The following SGIP1 variants were observed in gnomAD, a reference collection of about 807,000 sequenced individuals.
SGIP1 encodes SH3-containing GRB2-like protein 3-interacting protein 1.
SGIP1 carries 38 observed loss-of-function variants against 107.5 expected under a neutral mutation model. The observed-to-expected ratio is 0.35, with a 90% CI of 0.27 to 0.46. The LOEUF is 0.46. Among genes scored for constraint, SGIP1 ranks in the 20% least tolerant of loss-of-function variants. SGIP1 has a pLI of 1.00. For synonymous variants in SGIP1, 365 were observed against 366.1 expected (o/e 1.00, Z 0.03); for missense variants, 929 against 1,019.5 (o/e 0.91, Z 1.21).
chr1:66,638,396 A>G (rs1558164323), intron 4 of SGIP1, among the ~76,000 whole-genome samples: 1 of 152,346 alleles, frequency 6.6e-6, no homozygotes, highest in East Asian at 1.9e-4. Flanking sequence ...ATACCACTGA[A>G]GCACTAATTC....
chr1:66,726,735 T>C (rs900413603), intron 19 of SGIP1, among the ~76,000 whole-genome samples: 3 of 152,200 alleles, frequency 2.0e-5, no homozygotes, highest in Non-Finnish European at 2.9e-5. Context: ...ACTATATACA[T>C]TGTAAGACTA....
At chr1:66,722,892 A>C (rs961003664) in intron 19 of SGIP1, among the ~76,000 whole-genome samples, 1 of 152,188 alleles carries the variant, frequency 6.6e-6, no homozygotes, top group African/African-American at 2.4e-5. Context: ...AGCCAAATTA[A>C]TATTAGTGTT....
chr1:66,659,958 GA>G (rs1421793335), intron 7 of SGIP1, among the ~76,000 whole-genome samples: 1 of 23,086 alleles, frequency 4.3e-5, no homozygotes, highest in Admixed American at 5.9e-4. Flanking sequence ...GAAAAAGAAA[GA>G]AAGAAAGAAA....
chr1:66,740,354 AATTG>A (rs35851258), intron 22 of SGIP1, among the ~76,000 whole-genome samples: 53,080 of 151,810 alleles, frequency 0.35, 10,079 homozygotes, highest in Non-Finnish European at 0.42. Flanking sequence ...TACCTTAATT[AATTG>A]ATTAACACTC....
chr1:66,675,121 T>G (rs1311917801), intron 12 of SGIP1, among the ~76,000 whole-genome samples: 1 of 152,230 alleles, frequency 6.6e-6, no homozygotes, highest in African/African-American at 2.4e-5. Flanking sequence ...GGAGACGGGA[T>G]TTGATTTGTT....
At position 66,744,312 on chromosome 1, in the gene SGIP1, G is replaced by C. The variant is rs1039591633; in HGVS notation, c.*1217G>C. 3 of 152,128 alleles carry C rather than the reference G, an allele frequency of 2.0e-5. No individual in the cohort carries two copies. The highest frequency in any genetic ancestry group is 4.4e-5 in the Non-Finnish European group (3 of 67,976). The allele number at this position is 152,128 out of a possible 1,614,324, so 9.4% of individuals were successfully genotyped here. The stretch of plus-strand genomic sequence containing the variant: ...CCATTCTTGGAGAAGCAAAAGGAGA[G>C]TTATCAAAAATGTATGTCGTTTCAT... On this transcript the variant is annotated 3_prime_UTR_variant, in exon 25 of 25. Coordinates refer to ENST00000371037, the MANE Select transcript of SGIP1 (RefSeq NM_032291.4).
At chr1:66,579,248 C>T (rs1026328386) in intron 1 of SGIP1, among the ~76,000 whole-genome samples, 14 of 152,084 alleles carry the variant, frequency 9.2e-5, no homozygotes, top group East Asian at 1.9e-4. Context: ...TGCTGTTTCC[C>T]GAAGCTACAT....
chr1:66,682,056 G>T lies in SGIP1; in HGVS notation c.1002G>T (p.Val334=), dbSNP rs777260898. ...TPELTPREKV[V]SPPATPDNPA... ...AGTTGACTCCAAGGGAAAAAGTGGT[G>T]TCCCCACCAGCTACACCAGACAACC... is the stretch of plus-strand genomic sequence containing the variant. Residue 334 remains valine, a synonymous_variant, in exon 15 of 25, where the codon GTG becomes GTT. Coordinates refer to ENST00000371037, the MANE Select transcript of SGIP1 (RefSeq NM_032291.4). 3.7e-6 allele frequency: 6 copies of T among 1,614,044 alleles called. No homozygotes were observed. The highest frequency in any genetic ancestry group is 5.1e-6 in the Non-Finnish European group (6 of 1,180,030).
intron 5 of SGIP1, among the ~76,000 whole-genome samples, chr1:66,640,323 T>G (rs2076540553): frequency 6.6e-6 from 1 of 152,186 alleles, no homozygotes; most frequent in Admixed American, 6.5e-5. Flanking sequence ...GCCTGTAGTA[T>G]TTGTTCAAAA....
intron 1 of SGIP1, among the ~76,000 whole-genome samples, chr1:66,552,973 G>A (rs1421896237): frequency 6.6e-6 from 1 of 152,154 alleles, no homozygotes; most frequent in African/African-American, 2.4e-5. Context: ...ACAGCAGTGA[G>A]TTGGCTGACT....
At chr1:66,735,459 C>A (rs113921853) in intron 21 of SGIP1, among the ~76,000 whole-genome samples, 2 of 152,052 alleles carry the variant, frequency 1.3e-5, no homozygotes, top group East Asian at 3.9e-4. Context: ...AGATGATCCC[C>A]GTTCCTTGGC....
Position 66,713,699 on chromosome 1 carries a change from C to T in SGIP1, c.1631-5595C>T, listed in dbSNP as rs556756295. On this transcript the variant is annotated intron_variant, in intron 18 of 24. Transcript: ENST00000371037. ...GCCTCATACATTTCTCTGTATCCCTCGGCACCTAGCACAATGTCTAATTAT... is the reference window on the plus strand; with the variant it reads ...GCCTCATACATTTCTCTGTATCCCTTGGCACCTAGCACAATGTCTAATTAT... Among the ~76,000 whole-genome samples the T allele has an allele frequency of 2.0e-4, 31 of 152,152 alleles. No individual in the cohort carries two copies. The East Asian group carries it at 3.7e-3, about 18-fold the overall frequency.
rs749127577 is a variant in SGIP1 at position 66,676,957 on chromosome 1, G to A, written c.647-47G>A. On this transcript the variant is annotated intron_variant, in intron 12 of 24. Transcript: ENST00000371037. The stretch of plus-strand genomic sequence containing the variant: ...TCGAAATTTTAAGTTCTAAAGTATG[G>A]GGATTTTTTTTAACTCACCCTGGGA... 6.7e-6 allele frequency: 10 copies of A among 1,483,256 alleles called. No homozygotes were observed. The African/African-American group carries it at 1.1e-4, about 17-fold the overall frequency. 91.9% of individuals were successfully genotyped at this position (1,483,256 alleles called of 1,614,324 possible).
At chr1:66,553,779 A>G (rs1291957854) in intron 1 of SGIP1, among the ~76,000 whole-genome samples, 1 of 151,808 alleles carries the variant, frequency 6.6e-6, no homozygotes. Flanking sequence ...TGCTCCCTTC[A>G]CTTTGCTATG....
At chr1:66,550,896 T>C (rs952301683) in intron 1 of SGIP1, among the ~76,000 whole-genome samples, 2 of 152,146 alleles carry the variant, frequency 1.3e-5, no homozygotes, top group Admixed American at 1.3e-4. Flanking sequence ...TCAAACTATA[T>C]TGTGAAACAC....
At position 66,743,381 on chromosome 1, in the gene SGIP1, C is replaced by A; in HGVS notation, c.*286C>A. ...AGGCAGTTAGACACTTGAGTTTTAG[C>A]ATTTTACCATTCCTGAAATGGATGT... is the stretch of plus-strand genomic sequence containing the variant. On this transcript the variant is annotated 3_prime_UTR_variant, in exon 25 of 25. Coordinates refer to ENST00000371037, the MANE Select transcript of SGIP1 (RefSeq NM_032291.4). The A allele has an allele frequency of 3.7e-6, 1 of 271,120 alleles. No individual in the cohort carries two copies. The allele number at this position is 271,120 out of a possible 1,614,324, so 16.8% of individuals were successfully genotyped here.
chr1:66,684,687 C>T (rs903476956), intron 15 of SGIP1, among the ~76,000 whole-genome samples: 2 of 152,174 alleles, frequency 1.3e-5, no homozygotes, highest in African/African-American at 4.8e-5. Flanking sequence ...TTTGGTAATT[C>T]ATCTGTGTTT....
intron 13 of SGIP1, among the ~76,000 whole-genome samples, chr1:66,678,288 T>G (rs2085841183): frequency 6.6e-6 from 1 of 152,170 alleles, no homozygotes; most frequent in African/African-American, 2.4e-5. Context: ...AGTAAATGAA[T>G]TGTTTATGGA....
At chr1:66,742,980 G>A in intron 24 of SGIP1, 93 bp from the exon 25 acceptor site, 2 of 1,282,694 alleles carry the variant, frequency 1.6e-6, no homozygotes, top group Non-Finnish European at 2.3e-6. Context: ...CTGGCTCCTA[G>A]GGGTAGGGAA....
Sources: allele counts gnomAD v4.1 joint callset (sites outside exome capture counted in the v4.1 genomes callset), GRCh38; gene constraint gnomAD v4.1.1; transcripts MANE v1.5; gene names NCBI Gene and HGNC (gene_info 2026-07-23, HGNC 2026-07-21).